Variants in PRKCA observed in about 807,000 individuals in gnomAD.
The protein encoded by PRKCA is protein kinase C alpha.
Under a neutral mutation model 87.0 loss-of-function variants are expected in PRKCA, and 27 were observed. That is an observed-to-expected ratio of 0.31 (90% confidence interval 0.23 to 0.43). The LOEUF is 0.43. Among genes scored for constraint, PRKCA ranks in the 20% least tolerant of loss-of-function variants. PRKCA has a pLI of 1.00. For missense variants in PRKCA, 518 were observed against 852.3 expected, an observed-to-expected ratio of 0.61 and a Z score of 4.88; for synonymous variants, 329 against 311.1, an observed-to-expected ratio of 1.06 and a Z score of -0.61.
At chr17:66,348,434 G>A (rs1235885170) in intron 2 of PRKCA, among the ~76,000 whole-genome samples, 4 of 152,238 alleles carry the variant, frequency 2.6e-5, no homozygotes, top group Non-Finnish European at 5.9e-5. Context: ...CAGTGCAAAC[G>A]TCAACACAAG....
chr17:66,654,105 G>T (rs1971665060), intron 5 of PRKCA, among the ~76,000 whole-genome samples: 2 of 152,212 alleles, frequency 1.3e-5, no homozygotes, highest in South Asian at 4.1e-4. Flanking sequence ...TTGCAGAGAG[G>T]ATTGGTGGGT....
intron 2 of PRKCA, among the ~76,000 whole-genome samples, chr17:66,443,053 T>C (rs746371604): frequency 3.3e-5 from 5 of 152,190 alleles, no homozygotes; most frequent in Non-Finnish European, 7.3e-5. Context: ...CATATCTCAT[T>C]TGATCTCTTG....
chr17:66,447,557 A>G (rs1479823756), intron 2 of PRKCA, among the ~76,000 whole-genome samples: 4 of 152,200 alleles, frequency 2.6e-5, no homozygotes, highest in Admixed American at 2.6e-4. Flanking sequence ...TGAGTTGTTA[A>G]AAGAGCAGGG....
intron 3 of PRKCA, among the ~76,000 whole-genome samples, chr17:66,566,994 G>A (rs1463967779): frequency 6.6e-6 from 1 of 152,078 alleles, no homozygotes; most frequent in African/African-American, 2.4e-5. Flanking sequence ...AACCCTCAAT[G>A]GGAATATTAG....
chr17:66,456,891 G>A (rs1371380472), intron 2 of PRKCA, among the ~76,000 whole-genome samples: 1 of 152,200 alleles, frequency 6.6e-6, no homozygotes. Flanking sequence ...GATAGCTGAT[G>A]GGAGTTGTTT....
At chr17:66,491,282 C>T (rs1445820209) in intron 2 of PRKCA, among the ~76,000 whole-genome samples, 2 of 116,902 alleles carry the variant, frequency 1.7e-5, no homozygotes, top group Non-Finnish European at 3.5e-5. Flanking sequence ...TAAAACCTCT[C>T]ATTGGGTTAT....
intron 3 of PRKCA, among the ~76,000 whole-genome samples, chr17:66,509,230 G>C (rs1221858736): frequency 6.6e-6 from 1 of 151,032 alleles, no homozygotes; most frequent in East Asian, 1.9e-4. Flanking sequence ...AATATAAGAT[G>C]TTGACTCAAT....
At chr17:66,355,954 A>C (rs1240682654) in intron 2 of PRKCA, among the ~76,000 whole-genome samples, 1 of 152,160 alleles carries the variant, frequency 6.6e-6, no homozygotes, top group Non-Finnish European at 1.5e-5. Context: ...GCTGGAGTGC[A>C]ATGGCATGAT....
chr17:66,542,663 C>G (rs1018915639), intron 3 of PRKCA, among the ~76,000 whole-genome samples: 4 of 151,956 alleles, frequency 2.6e-5, no homozygotes, highest in African/African-American at 4.8e-5. Context: ...TCTGCAAAGG[C>G]CTGTGGAAGG....
At chr17:66,309,033 A>AT (rs1348095162) in intron 2 of PRKCA, among the ~76,000 whole-genome samples, 2 of 152,114 alleles carry the variant, frequency 1.3e-5, no homozygotes, top group Non-Finnish European at 1.5e-5. Context: ...ACATCAGATT[A>AT]TTTTTACCCG....
At chr17:66,323,405 T>A (rs576795967) in intron 2 of PRKCA, among the ~76,000 whole-genome samples, 1 of 152,336 alleles carries the variant, frequency 6.6e-6, no homozygotes, top group South Asian at 2.1e-4. Flanking sequence ...TGGAATGTTT[T>A]CTATCAAGGT....
At chr17:66,673,710 T>G (rs1972251888) in intron 5 of PRKCA, among the ~76,000 whole-genome samples, 1 of 152,196 alleles carries the variant, frequency 6.6e-6, no homozygotes, top group Non-Finnish European at 1.5e-5. Context: ...AATCTCAGTC[T>G]ATAATTACCC....
At chr17:66,383,686 C>G (rs1382226292) in intron 2 of PRKCA, among the ~76,000 whole-genome samples, 1 of 152,146 alleles carries the variant, frequency 6.6e-6, no homozygotes, top group African/African-American at 2.4e-5. Flanking sequence ...ATGGAAAATC[C>G]TGTCAAACTC....
intron 3 of PRKCA, among the ~76,000 whole-genome samples, chr17:66,508,670 C>T (rs374870931): frequency 3.3e-5 from 5 of 152,166 alleles, no homozygotes; most frequent in African/African-American, 9.7e-5. Flanking sequence ...TTGTTTCACG[C>T]ACCTAATAGG....
chr17:66,607,988 G>A (rs759722583), intron 3 of PRKCA, among the ~76,000 whole-genome samples: 19 of 152,142 alleles, frequency 1.2e-4, no homozygotes, highest in Non-Finnish European at 1.9e-4. Flanking sequence ...TTACAAGTTT[G>A]GAACTTTCTG....
chr17:66,607,838 GT>G (rs1970253778), intron 3 of PRKCA, among the ~76,000 whole-genome samples: 1 of 152,168 alleles, frequency 6.6e-6, no homozygotes, highest in South Asian at 2.1e-4. Context: ...TTCAGTGGAC[GT>G]TGTCATTTTG....
At chr17:66,385,229 CCT>C (rs1218654664) in intron 2 of PRKCA, among the ~76,000 whole-genome samples, 6 of 152,180 alleles carry the variant, frequency 3.9e-5, no homozygotes, top group Admixed American at 6.5e-5. Context: ...TGCTTTCTCT[CCT>C]CTCAGCCCAT....
chr17:66,699,464 CA>C (rs1358034954), intron 8 of PRKCA, among the ~76,000 whole-genome samples: 1 of 152,084 alleles, frequency 6.6e-6, no homozygotes, highest in Non-Finnish European at 1.5e-5. Flanking sequence ...TACAACCTAC[CA>C]AGACTGAATC....
intron 3 of PRKCA, among the ~76,000 whole-genome samples, chr17:66,611,713 G>A (rs1434558408): frequency 6.6e-6 from 1 of 152,148 alleles, no homozygotes; most frequent in Admixed American, 6.5e-5. Flanking sequence ...GAATTGCAGG[G>A]TCACATGTAT....
Sources: gnomAD v4.1 joint callset for allele counts (sites outside exome capture counted in the v4.1 genomes callset) on GRCh38, gnomAD v4.1.1 for gene constraint, MANE v1.5 for transcripts, NCBI Gene and HGNC (gene_info 2026-07-23, HGNC 2026-07-21) for gene names.